PLEKHD1: variants seen among roughly 807,000 people sequenced by gnomAD.
PLEKHD1 encodes pleckstrin homology domain-containing family D member 1.
Under a neutral mutation model 69.2 loss-of-function variants are expected in PLEKHD1, and 51 were observed. The observed-to-expected ratio is 0.74, with a 90% CI of 0.59 to 0.93. The LOEUF (loss-of-function observed/expected upper bound fraction) is 0.93. PLEKHD1 is among the 40% of genes least tolerant of loss of function. PLEKHD1 has a pLI of 0.00. For synonymous variants in PLEKHD1, 236 were observed against 244.7 expected (o/e 0.96, Z 0.33); for missense variants, 584 against 641.0 (o/e 0.91, Z 0.96).
chr14:69,528,331 G>A lies in PLEKHD1; in HGVS notation c.1433G>A (p.Ser478Asn). ...CTAAAGGAGGTGGCCAAGCGGCTCA[G>A]CAGGGACCAGCGCTTCCGGGAATCC... ...EELKEVAKRL[S>N]RDQRFRESIY... is the part of the protein sequence containing the mutation. The change falls in exon 13 of 13, where the codon AGC becomes AAC. Residue 478 changes from serine (S) to asparagine (N), a missense_variant. Physicochemically the swap from Ser to Asn is conservative, Grantham distance 46 (BLOSUM62 1). Coordinates refer to ENST00000322564, the MANE Select transcript of PLEKHD1 (RefSeq NM_001161498.2). 2.6e-6 allele frequency: 4 copies of A among 1,551,730 alleles called. No individual in the cohort carries two copies. The highest frequency in any genetic ancestry group is 3.5e-6 in the Non-Finnish European group (4 of 1,146,998).
Position 69,500,574 on chromosome 14 carries a change from C to T in PLEKHD1, c.244-3C>T. ...GGGGCTGCCTGTTCTGGTTCTTCCT[C>T]AGGGCGTCATCCCTCTGGGGGGCTG... is the stretch of plus-strand genomic sequence containing the variant. On this transcript the variant is annotated splice_polypyrimidine_tract_variant and splice_region_variant and intron_variant, in intron 2 of 12. Coordinates refer to ENST00000322564, the MANE Select transcript of PLEKHD1 (RefSeq NM_001161498.2). The T allele has an allele frequency of 6.5e-7, 1 of 1,546,854 alleles. No individual in the cohort carries two copies. Among genetic ancestry groups the T allele is most frequent in the Non-Finnish European group, 8.7e-7 (1 of 1,144,618 alleles).
chr14:69,508,401 A>G (rs907415281), intron 6 of PLEKHD1, among the ~76,000 whole-genome samples: 2 of 150,960 alleles, frequency 1.3e-5, no homozygotes, highest in African/African-American at 4.9e-5. Context: ...GCAAGACTCC[A>G]TCTCAAAAAA....
chr14:69,487,245 T>C (rs985260410), intron 1 of PLEKHD1, among the ~76,000 whole-genome samples: 1 of 148,798 alleles, frequency 6.7e-6, no homozygotes, highest in African/African-American at 2.5e-5. Flanking sequence ...CTTGGGTCAG[T>C]GACAGAGCCA....
intron 1 of PLEKHD1, among the ~76,000 whole-genome samples, chr14:69,498,342 G>A (rs979599609): frequency 6.6e-6 from 1 of 151,636 alleles, no homozygotes; most frequent in African/African-American, 2.4e-5. Context: ...GCCTCCCAAA[G>A]TGCTGGGATT....
At chr14:69,480,905 G>A (rs1339092497), upstream of PLEKHD1, among the ~76,000 whole-genome samples, 3 of 152,120 alleles carry the variant, frequency 2.0e-5, no homozygotes, top group South Asian at 2.1e-4. Flanking sequence ...CACCCATCTC[G>A]GCCTCCCAAA....
chr14:69,471,631 G>A, the PLEKHD1 span, among the ~76,000 whole-genome samples: 20 of 152,242 alleles, frequency 1.3e-4, no homozygotes, highest in Admixed American at 1.2e-3. Context: ...ACTGGGCATC[G>A]CAGGGGCTGG....
intron 1 of PLEKHD1, among the ~76,000 whole-genome samples, chr14:69,494,925 G>A (rs996777216): frequency 4.6e-5 from 7 of 152,176 alleles, no homozygotes; most frequent in African/African-American, 1.4e-4. Flanking sequence ...TGAGCCCTCC[G>A]TTGGGCCGAA....
intron 6 of PLEKHD1, among the ~76,000 whole-genome samples, chr14:69,506,649 C>T (rs1180180195): frequency 6.6e-6 from 1 of 152,168 alleles, no homozygotes; most frequent in Non-Finnish European, 1.5e-5. Context: ...ACTTGTTCCC[C>T]ACAGGGTTCC....
Position 69,501,729 on chromosome 14 carries a change from C to T in PLEKHD1, c.411-5C>T, listed in dbSNP as rs1310408816. The T allele has an allele frequency of 1.9e-6, 3 of 1,550,180 alleles. No individual in the cohort carries two copies. Among genetic ancestry groups the T allele is most frequent in the Non-Finnish European group, 2.6e-6 (3 of 1,145,908 alleles). ...TCCTCTGTCCCATCTGCCCTCCCTC[C>T]CCAGGACCTGGAAGAATGCCCAGCT... On this transcript the variant is annotated splice_polypyrimidine_tract_variant and splice_region_variant and intron_variant, in intron 4 of 12. Transcript: ENST00000322564.
chr14:69,512,942 T>A (rs554975474), intron 6 of PLEKHD1, among the ~76,000 whole-genome samples: 4 of 151,622 alleles, frequency 2.6e-5, no homozygotes, highest in Admixed American at 2.0e-4. Context: ...AGAAAAAAAT[T>A]CACCAGGGAT....
chr14:69,517,999 TTTA>T (rs1883422229), intron 6 of PLEKHD1, among the ~76,000 whole-genome samples: 1 of 20,586 alleles, frequency 4.9e-5, no homozygotes, highest in Admixed American at 1.2e-3. Flanking sequence ...TCTGATTTTA[TTTA>T]TTTATTTATT....
chr14:69,522,097 G>T (rs1594991983), intron 6 of PLEKHD1, among the ~76,000 whole-genome samples, 186 bp from the exon 7 acceptor site: 2 of 152,286 alleles, frequency 1.3e-5, no homozygotes, highest in African/African-American at 4.8e-5. Context: ...CATAGATTTT[G>T]GGTTTGTCAG....
rs1229763253 is a variant in PLEKHD1, at chr14:69,500,599, G to A, written c.266G>A (p.Cys89Tyr). 1 of 1,550,832 alleles carries A rather than the reference G, an allele frequency of 6.4e-7. No individual in the cohort carries two copies. The highest frequency in any genetic ancestry group is 8.7e-7 in the Non-Finnish European group (1 of 1,146,578). ...HPKGVIPLGG[C>Y]LVEPKEEPSM... ...CAGGGCGTCATCCCTCTGGGGGGCT[G>A]CCTGGTGGAGCCCAAGGAAGAGCCT... is the stretch of plus-strand genomic sequence containing the variant. The change falls in exon 3 of 13, where the codon TGC (cysteine) becomes TAC (tyrosine). Residue 89 changes from cysteine to tyrosine, a missense_variant. Coordinates refer to ENST00000322564, the MANE Select transcript of PLEKHD1 (RefSeq NM_001161498.2).
At position 69,527,218 on chromosome 14, in the gene PLEKHD1, A is replaced by G; in HGVS notation, c.1087A>G (p.Arg363Gly). The G allele has an allele frequency of 6.4e-7, 1 of 1,551,372 alleles. No homozygotes were observed. Among genetic ancestry groups the G allele is most frequent in the Admixed American group, 2.0e-5 (1 of 50,978 alleles). Residue 363 changes from arginine (R) to glycine (G), a missense_variant, in exon 11 of 13, where the codon AGG becomes GGG. Arg to Gly is a moderately radical substitution (Grantham distance 125, BLOSUM62 -2). Coordinates refer to ENST00000322564, the MANE Select transcript of PLEKHD1 (RefSeq NM_001161498.2). ...AEVKVRMDLE[R>G]RLREAEGALR... ...GGTGAAGGTCCGCATGGACCTGGAGAGGCGTCTCCGGGAGGCAGAAGGGGC... is the reference window on the plus strand; with the variant it reads ...GGTGAAGGTCCGCATGGACCTGGAGGGGCGTCTCCGGGAGGCAGAAGGGGC...
At chr14:69,519,645 G>A (rs569436032) in intron 6 of PLEKHD1, among the ~76,000 whole-genome samples, 5 of 152,310 alleles carry the variant, frequency 3.3e-5, no homozygotes, top group Non-Finnish European at 5.9e-5. Context: ...GGGATCTGCT[G>A]GCGTCACGAG....
chr14:69,497,530 CAAGGGTGGG>C (rs1252374615), intron 1 of PLEKHD1, among the ~76,000 whole-genome samples: 1 of 152,242 alleles, frequency 6.6e-6, no homozygotes, highest in East Asian at 1.9e-4. Context: ...GGTGGGTCAC[CAAGGGTGGG>C]AAGGGTCCCG....
intron 1 of PLEKHD1, among the ~76,000 whole-genome samples, chr14:69,493,104 C>A (rs1460383101): frequency 6.6e-6 from 1 of 152,256 alleles, no homozygotes. Context: ...GGTTTCTACA[C>A]TCTTTCTCCT....
intron 1 of PLEKHD1, among the ~76,000 whole-genome samples, chr14:69,487,573 G>C (rs12050199): frequency 0.062 from 9,443 of 152,306 alleles, 316 homozygotes; most frequent in Middle Eastern, 0.088. Context: ...TTCCACTCAG[G>C]GTCTGTCTTA....
At chr14:69,525,544 G>A (rs530477917) in intron 8 of PLEKHD1, among the ~76,000 whole-genome samples, 10 of 152,244 alleles carry the variant, frequency 6.6e-5, no homozygotes, top group South Asian at 4.1e-4. Context: ...ATGCAGTGGT[G>A]CAATCATAGC....
Sources: gnomAD v4.1 joint callset for allele counts (sites outside exome capture counted in the v4.1 genomes callset) on GRCh38, gnomAD v4.1.1 for gene constraint, MANE v1.5 for transcripts, NCBI Gene and HGNC (gene_info 2026-07-23, HGNC 2026-07-21) for gene names.